TRIM40: variants seen among roughly 807,000 people sequenced by gnomAD.
TRIM40 encodes tripartite motif containing 40.
Under a neutral mutation model 26.1 loss-of-function variants are expected in TRIM40, and 27 were observed. That is an observed-to-expected ratio of 1.04 (90% CI 0.76 to 1.43). The LOEUF is 1.43. Ranked by LOEUF, TRIM40 falls within the 40% of genes most tolerant of loss-of-function variation. The pLI is 0.00. For missense variants in TRIM40, 289 were observed against 307.9 expected, an observed-to-expected ratio of 0.94 and a Z score of 0.46; for synonymous variants, 114 against 120.0, an observed-to-expected ratio of 0.95 and a Z score of 0.33.
intron 2 of TRIM40, among the ~76,000 whole-genome samples, chr6:30,145,668 T>C (rs1399040021): frequency 1.3e-5 from 2 of 152,190 alleles, no homozygotes; most frequent in East Asian, 1.9e-4. Context: ...TAGTAAGAAG[T>C]GCTAGAAGAC....
chr6:30,139,180 C>T (rs925258152), intron 2 of TRIM40, among the ~76,000 whole-genome samples: 4 of 147,542 alleles, frequency 2.7e-5, no homozygotes, highest in Non-Finnish European at 4.6e-5. Context: ...AACGATGACA[C>T]TTGTTCATTA....
At chr6:30,142,010 G>A (rs1771375731) in intron 2 of TRIM40, among the ~76,000 whole-genome samples, 1 of 152,156 alleles carries the variant, frequency 6.6e-6, no homozygotes, top group Admixed American at 6.5e-5. Context: ...GGGAGGGTAA[G>A]GGAGTTGAGT....
chr6:30,143,821 AAAC>A (rs1449024112), intron 2 of TRIM40, among the ~76,000 whole-genome samples: 2 of 152,160 alleles, frequency 1.3e-5, no homozygotes, highest in Admixed American at 1.3e-4. Flanking sequence ...TGAATATTGT[AAAC>A]AATATGACAG....
chr6:30,146,619 GC>G (rs1489071774), intron 3 of TRIM40, among the ~76,000 whole-genome samples: 1 of 152,042 alleles, frequency 6.6e-6, no homozygotes, highest in Non-Finnish European at 1.5e-5. Context: ...CACCATGTTA[GC>G]CAGGATGGTC....
chr6:30,145,963 G>A (rs1195495782), intron 2 of TRIM40, 31 bp from the exon 3 acceptor site: 1 of 1,598,576 alleles, frequency 6.3e-7, no homozygotes, highest in East Asian at 2.2e-5. Context: ...CTCACTCCCA[G>A]TCTGACAAGC....
At chr6:30,141,991 A>G (rs1304145722) in intron 2 of TRIM40, among the ~76,000 whole-genome samples, 1 of 152,174 alleles carries the variant, frequency 6.6e-6, no homozygotes, top group African/African-American at 2.4e-5. Flanking sequence ...CTGAAAAGTA[A>G]CACAGAGAGG....
In TRIM40 at chr6:30,137,185, T is replaced by C; in HGVS notation, c.149T>C (p.Val50Ala). The C allele has an allele frequency of 6.2e-7, 1 of 1,612,946 alleles. No individual in the cohort carries two copies. The highest frequency in any genetic ancestry group is 8.5e-7 in the Non-Finnish European group (1 of 1,180,006). The change falls in exon 2 of 6, where the codon GTC becomes GCC. Residue 50 changes from valine (V) to alanine (A), a missense_variant. Val to Ala is a moderately conservative substitution (Grantham distance 64). Coordinates refer to ENST00000396581, the MANE Select transcript of TRIM40 (RefSeq NM_001286633.2). ...QHVEKASASG[V>A]FCCPLCRKPC... ...GTGGAGAAGGCCTCAGCCTCTGGGG[T>C]CTTCTGCTGCCCCCTCTGCCGGAAG... is the stretch of plus-strand genomic sequence containing the variant.
Position 30,136,832 on chromosome 6 carries a change from T to C in TRIM40, c.-205T>C. ...TCTGAAACTCGTGCAGAATTGTGGT[T>C]TGTGTGGTCTATGTCACGGCACCCT... On this transcript the variant is annotated 5_prime_UTR_variant, in exon 2 of 6. Transcript: ENST00000396581. 1 of 582,388 alleles carries C rather than the reference T, an allele frequency of 1.7e-6. No individual in the cohort carries two copies. The allele number at this position is 582,388 out of a possible 1,614,324, so 36.1% of individuals were successfully genotyped here.
intron 2 of TRIM40, among the ~76,000 whole-genome samples, chr6:30,144,642 C>T (rs1175939006): frequency 1.3e-5 from 2 of 152,082 alleles, no homozygotes; most frequent in Non-Finnish European, 2.9e-5. Context: ...CAGAAAGGCA[C>T]CTGCGGATTT....
At chr6:30,143,569 T>C (rs1219128040) in intron 2 of TRIM40, among the ~76,000 whole-genome samples, 1 of 152,092 alleles carries the variant, frequency 6.6e-6, no homozygotes, top group South Asian at 2.1e-4. Context: ...TTTAATATGA[T>C]TTAACCTGAA....
intron 3 of TRIM40, 144 bp downstream of exon 3, chr6:30,146,233 G>C (rs183566672): frequency 1.5e-6 from 1 of 686,006 alleles, no homozygotes; most frequent in Non-Finnish European, 2.5e-6. Flanking sequence ...GTTGGCCTTG[G>C]CGTCAAAGTT....
chr6:30,137,485 A>T (rs1226935785), intron 2 of TRIM40, 104 bp downstream of exon 2: 6 of 974,392 alleles, frequency 6.2e-6, no homozygotes, highest in Non-Finnish European at 9.3e-6. Flanking sequence ...AACAATGGAC[A>T]TCTCTCTTTG....
intron 3 of TRIM40, among the ~76,000 whole-genome samples, chr6:30,146,456 G>A (rs928701458): frequency 8.6e-5 from 13 of 151,242 alleles, no homozygotes; most frequent in Non-Finnish European, 1.5e-5. Flanking sequence ...CTGTCGCCCA[G>A]GCTGGAGTGC....
intron 2 of TRIM40, among the ~76,000 whole-genome samples, chr6:30,138,271 T>G (rs184879830): frequency 0.011 from 1,684 of 152,352 alleles, 24 homozygotes; most frequent in African/African-American, 0.034. Context: ...AAGCTATTGT[T>G]TTGTTTTAAG....
chr6:30,137,455 C>G (rs1771088218), intron 2 of TRIM40, 74 bp downstream of exon 2: 1 of 1,320,356 alleles, frequency 7.6e-7, no homozygotes, highest in South Asian at 1.3e-5. Context: ...TTCATCATGC[C>G]TGGCACCTCA....
At position 30,145,553 on chromosome 6, in the gene TRIM40, C is replaced by T. The variant is rs187573213; in HGVS notation, c.346-441C>T. On this transcript the variant is annotated intron_variant, in intron 2 of 5. Transcript: ENST00000396581. Reference sequence around the variant, plus strand: ...GTTTGCACCTAGTAAAGGGCTCTATCTTGTCACTCATCCCAGTGAGGACCA... The same window carrying T: ...GTTTGCACCTAGTAAAGGGCTCTATTTTGTCACTCATCCCAGTGAGGACCA... Among the ~76,000 whole-genome samples, 320 of 152,316 alleles carry T rather than the reference C, an allele frequency of 2.1e-3. 1 individual carries two copies. The highest frequency in any genetic ancestry group is 7.4e-3 in the African/African-American group (308 of 41,564).
intron 2 of TRIM40, among the ~76,000 whole-genome samples, chr6:30,145,344 C>T (rs1354960799): frequency 2.0e-5 from 3 of 152,168 alleles, no homozygotes; most frequent in African/African-American, 7.2e-5. Flanking sequence ...CCCCCCGAAC[C>T]ATGGGCAGCC....
At chr6:30,141,610 G>A (rs1771348520) in intron 2 of TRIM40, among the ~76,000 whole-genome samples, 1 of 152,198 alleles carries the variant, frequency 6.6e-6, no homozygotes, top group African/African-American at 2.4e-5. Context: ...GCAGAGGCAT[G>A]AGAGCTGAGT....
intron 2 of TRIM40, among the ~76,000 whole-genome samples, chr6:30,144,718 G>T (rs1218467267): frequency 6.6e-6 from 1 of 152,184 alleles, no homozygotes; most frequent in Non-Finnish European, 1.5e-5. Flanking sequence ...AAACAAGGCG[G>T]CTGGCTGAGG....
Sources: allele counts gnomAD v4.1 joint callset (sites outside exome capture counted in the v4.1 genomes callset), GRCh38; gene constraint gnomAD v4.1.1; transcripts MANE v1.5; gene names NCBI Gene and HGNC (gene_info 2026-07-23, HGNC 2026-07-21).